The following CDC20B variants were observed in gnomAD, a reference collection of about 807,000 sequenced individuals.
CDC20B encodes cell division cycle 20B, also known as cell division cycle protein 20 homolog B.
In CDC20B, 58 loss-of-function variants were observed where a neutral mutation model predicts 64.1. That is an observed-to-expected ratio of 0.90 (90% CI 0.73 to 1.13). CDC20B has a LOEUF of 1.13. Ranked by LOEUF, CDC20B falls within the 50% of genes most tolerant of loss-of-function variation. CDC20B has a pLI of 0.00. For missense variants in CDC20B, 597 were observed against 633.0 expected, an observed-to-expected ratio of 0.94 and a Z score of 0.61; for synonymous variants, 243 against 230.6, an observed-to-expected ratio of 1.05 and a Z score of -0.49.
chr5:55,165,369 A>G (rs1480218030), intron 2 of CDC20B: 2 of 152,234 alleles, frequency 1.3e-5, no homozygotes, highest in East Asian at 3.8e-4. Flanking sequence ...ATATACATTC[A>G]TCGCATAAAA....
intron 8 of CDC20B, among the ~76,000 whole-genome samples, chr5:55,126,670 T>C (rs143909865): frequency 1.1e-4 from 16 of 152,268 alleles, no homozygotes; most frequent in African/African-American, 3.9e-4. Flanking sequence ...CTCAAAGGGA[T>C]GTATCATCAG....
chr5:55,125,230 G>C (rs1401626821), intron 8 of CDC20B, among the ~76,000 whole-genome samples: 1 of 152,202 alleles, frequency 6.6e-6, no homozygotes, highest in African/African-American at 2.4e-5. Flanking sequence ...TTGTCTGGCA[G>C]AGTTTGAAGT....
Position 55,114,286 on chromosome 5 carries a change from T to C in CDC20B, c.1492A>G (p.Ser498Gly), listed in dbSNP as rs1742575019. 6.2e-7 allele frequency: 1 copy of C among 1,613,844 alleles called. No homozygotes were observed. The highest frequency in any genetic ancestry group is 8.5e-7 in the Non-Finnish European group (1 of 1,179,920). Residue 498 changes from serine to glycine, a missense_variant, in exon 12 of 12, where the codon AGT (serine) becomes GGT (glycine). Ser to Gly is a moderately conservative substitution (Grantham distance 56). This residue lies in a region of CDC20B where 353 missense variants were observed against 397.0 expected (regional missense o/e 0.89). Coordinates refer to ENST00000381375, the MANE Select transcript of CDC20B (RefSeq NM_001170402.1). This position sits in a 1 kb window ranked among gnomAD's most constrained non-coding sequence, Gnocchi z 4.1. ...GAAAACACCCGGGTCTGGTCTGGAC[T>C]CAAAGACAGGTGCAGCACTCTGCCC... Reference protein sequence around the residue: ...HRGRVLHLSLSPDQTRVFSAA... With the variant: ...HRGRVLHLSLGPDQTRVFSAA...
Position 55,119,800 on chromosome 5 carries a change from C to T in CDC20B, c.1459+1G>A. ...GGCATTTTACTCACCCATTTGCTTACCAAAAAACCCACCTGACCTGGACAC... is the reference window on the plus strand; with the variant it reads ...GGCATTTTACTCACCCATTTGCTTATCAAAAAACCCACCTGACCTGGACAC... On this transcript the variant is annotated splice_donor_variant, in intron 11 of 11. Transcript: ENST00000381375. LOFTEE classifies it high-confidence loss of function. 1 of 1,607,202 alleles carries T rather than the reference C, an allele frequency of 6.2e-7. No individual in the cohort carries two copies. Among genetic ancestry groups the T allele is most frequent in the Non-Finnish European group, 8.5e-7 (1 of 1,173,960 alleles).
chr5:55,138,198 T>A (rs1349102368), intron 5 of CDC20B, among the ~76,000 whole-genome samples: 1 of 149,898 alleles, frequency 6.7e-6, no homozygotes, highest in Admixed American at 6.7e-5. Context: ...GCTCACTCTG[T>A]CGCCCAGGCT....
chr5:55,121,558 T>C (rs180903821), intron 9 of CDC20B, among the ~76,000 whole-genome samples: 1 of 152,148 alleles, frequency 6.6e-6, no homozygotes, highest in African/African-American at 2.4e-5. Flanking sequence ...TTTGCTCTCA[T>C]AAAGTACATT....
At chr5:55,140,486 T>C (rs1743301548) in intron 4 of CDC20B, 79 bp from the exon 5 acceptor site, 2 of 887,488 alleles carry the variant, frequency 2.3e-6, no homozygotes, top group African/African-American at 1.7e-5. Context: ...TAATATAGAA[T>C]TACAACTGGT....
At chr5:55,160,095 C>T in intron 2 of CDC20B, 1 of 831,734 alleles carries the variant, frequency 1.2e-6, no homozygotes, top group South Asian at 1.5e-5. Context: ...AAGCAGTCAG[C>T]CTGTCCTTCC....
In CDC20B at chr5:55,114,180, T is replaced by C; in HGVS notation, c.*38A>G. ...ACATAGCCAACATCATCATCTTCAC[T>C]CAGAAATAAGGAAACTGAAACCTAG... On this transcript the variant is annotated 3_prime_UTR_variant, in exon 12 of 12. Transcript: ENST00000381375. The surrounding 1 kb of genome is among the most constrained non-coding windows in gnomAD (Gnocchi z 4.1). 6.3e-7 allele frequency: 1 copy of C among 1,595,760 alleles called. No homozygotes were observed.
chr5:55,145,581 G>A (rs1743446166), intron 3 of CDC20B, among the ~76,000 whole-genome samples: 1 of 152,238 alleles, frequency 6.6e-6, no homozygotes, highest in African/African-American at 2.4e-5. Flanking sequence ...TCGGGGCTCT[G>A]GCAGGTTGAT....
chr5:55,146,994 T>A, intron 2 of CDC20B, 138 bp from the exon 3 acceptor site: 1 of 398,502 alleles, frequency 2.5e-6, no homozygotes, highest in Non-Finnish European at 4.3e-6. Flanking sequence ...TTAATTTTTG[T>A]AACCTAGATA....
intron 9 of CDC20B, among the ~76,000 whole-genome samples, chr5:55,123,218 A>T (rs1299384348): frequency 6.6e-6 from 1 of 152,136 alleles, no homozygotes; most frequent in Non-Finnish European, 1.5e-5. Context: ...TATATATCAT[A>T]AGTTAAAGTT....
chr5:55,169,469 A>C (rs992224946), intron 2 of CDC20B, among the ~76,000 whole-genome samples: 13 of 152,252 alleles, frequency 8.5e-5, no homozygotes, highest in Non-Finnish European at 1.6e-4. Context: ...AAGCCAGCAC[A>C]TATCTATGCT....
At chr5:55,124,650 G>A (rs1439112116) in intron 9 of CDC20B, among the ~76,000 whole-genome samples, 153 bp downstream of exon 9, 1 of 152,210 alleles carries the variant, frequency 6.6e-6, no homozygotes, top group Non-Finnish European at 1.5e-5. Context: ...TATAAATAGG[G>A]TTGTCTTTCA....
chr5:55,114,130 T>C lies in CDC20B; in HGVS notation c.*88A>G. 6.7e-7 allele frequency: 1 copy of C among 1,502,088 alleles called. No homozygotes were observed. The allele number at this position is 1,502,088 out of a possible 1,614,324, so 93.0% of individuals were successfully genotyped here. A position where few individuals can be genotyped will look rare whatever the true frequency, so the allele number is the denominator to read the frequency against. ...AAGAAGAGTATTTCAACTTGTTTGATACTCATAAAAACCCCATGGAGAAGA... is the reference window on the plus strand; with the variant it reads ...AAGAAGAGTATTTCAACTTGTTTGACACTCATAAAAACCCCATGGAGAAGA... On this transcript the variant is annotated 3_prime_UTR_variant, in exon 12 of 12. Transcript: ENST00000381375. This position sits in a 1 kb window ranked among gnomAD's most constrained non-coding sequence, Gnocchi z 4.1.
chr5:55,155,333 A>G (rs1743779009), intron 2 of CDC20B, among the ~76,000 whole-genome samples: 1 of 152,246 alleles, frequency 6.6e-6, no homozygotes, highest in Non-Finnish European at 1.5e-5. Context: ...ATAATTTGAC[A>G]CACAAATATC....
Position 55,113,753 on chromosome 5 carries a change from A to G in CDC20B, c.*465T>C, listed in dbSNP as rs531889497. On this transcript the variant is annotated 3_prime_UTR_variant, in exon 12 of 12. Coordinates refer to ENST00000381375, the MANE Select transcript of CDC20B (RefSeq NM_001170402.1). Reference sequence around the variant, plus strand: ...AACATACTGCCTAGCATATAGTGAGATTTTAGTAAGTGTTTTTCAAGTGAA... The same window carrying G: ...AACATACTGCCTAGCATATAGTGAGGTTTTAGTAAGTGTTTTTCAAGTGAA... 6.3e-6 allele frequency: 1 copy of G among 157,652 alleles called. No homozygotes were observed. The highest frequency in any genetic ancestry group is 1.4e-5 in the Non-Finnish European group (1 of 71,626). 9.8% of individuals were successfully genotyped at this position (157,652 alleles called of 1,614,324 possible). A position where few individuals can be genotyped will look rare whatever the true frequency, so the allele number is the denominator to read the frequency against.
At chr5:55,133,993 A>G (rs562834432) in intron 5 of CDC20B, among the ~76,000 whole-genome samples, 5 of 152,286 alleles carry the variant, frequency 3.3e-5, no homozygotes, top group Non-Finnish European at 5.9e-5. Context: ...TCAGTATTGG[A>G]GCACACAGAC....
At chr5:55,141,049 C>T (rs755107496) in intron 4 of CDC20B, among the ~76,000 whole-genome samples, 10 of 152,186 alleles carry the variant, frequency 6.6e-5, no homozygotes, top group Non-Finnish European at 1.2e-4. Context: ...ATGACAAACA[C>T]TGTGTCAGGT....
Sources: allele counts gnomAD v4.1 joint callset (sites outside exome capture counted in the v4.1 genomes callset), GRCh38; gene constraint gnomAD v4.1.1; regional missense constraint gnomAD v4.1.1; non-coding constraint Gnocchi (gnomAD v3.1); transcripts MANE v1.5; gene names NCBI Gene and HGNC (gene_info 2026-07-23, HGNC 2026-07-21).